The following PGM2L1 variants were observed in gnomAD, a reference collection of about 807,000 sequenced individuals.
The protein encoded by PGM2L1 is phosphoglucomutase 2 like 1, also known as glucose 1,6-bisphosphate synthase.
A neutral mutation model predicts 73.4 loss-of-function variants in PGM2L1; 35 were observed. That is an observed-to-expected ratio of 0.48 (90% CI 0.36 to 0.63). The LOEUF is 0.63. PGM2L1 is among the 30% of genes least tolerant of loss of function. PGM2L1 has a pLI of 0.00. For synonymous variants in PGM2L1, 225 were observed against 253.8 expected (o/e 0.89, Z 1.08); for missense variants, 570 against 742.0 (o/e 0.77, Z 2.69).
At chr11:74,345,013 G>C (rs1452676513) in intron 9 of PGM2L1, among the ~76,000 whole-genome samples, 2 of 152,204 alleles carry the variant, frequency 1.3e-5, no homozygotes, top group African/African-American at 2.4e-5. Flanking sequence ...TCTGGGCTGA[G>C]AGAGAGCCAC....
At position 74,368,576 on chromosome 11, in the gene PGM2L1, C is replaced by T. The variant is rs145210414; in HGVS notation, c.472-1G>A. 1.2e-6 allele frequency: 2 copies of T among 1,612,616 alleles called. No individual in the cohort carries two copies. Among genetic ancestry groups the T allele is most frequent in the African/African-American group, 1.3e-5 (1 of 75,006 alleles). Reference sequence around the variant, plus strand: ...CTTTGAGCTTCTGAACTGCATATGGCTGAAAAATAAATAACACCATAATTC... The same window carrying T: ...CTTTGAGCTTCTGAACTGCATATGGTTGAAAAATAAATAACACCATAATTC... On this transcript the variant is annotated splice_acceptor_variant, in intron 4 of 13. Transcript: ENST00000298198. LOFTEE classifies it high-confidence loss of function.
intron 1 of PGM2L1, among the ~76,000 whole-genome samples, chr11:74,390,647 T>C (rs1863088658): frequency 6.6e-6 from 1 of 152,102 alleles, no homozygotes; most frequent in African/African-American, 2.4e-5. Flanking sequence ...ACCTACAATG[T>C]AAAAAGAACT....
intron 5 of PGM2L1, among the ~76,000 whole-genome samples, chr11:74,367,676 A>G (rs1271214900): frequency 6.6e-6 from 1 of 152,220 alleles, no homozygotes; most frequent in Non-Finnish European, 1.5e-5. Flanking sequence ...CCACAACTCT[A>G]TAACTTAAGT....
At chr11:74,360,469 T>A (rs937401674) in intron 5 of PGM2L1, among the ~76,000 whole-genome samples, 10 of 151,890 alleles carry the variant, frequency 6.6e-5, no homozygotes, top group Non-Finnish European at 1.3e-4. Flanking sequence ...AGTCTACAGC[T>A]CCCAGCAGGA....
At chr11:74,379,700 G>C (rs551597467) in intron 1 of PGM2L1, among the ~76,000 whole-genome samples, 1 of 152,134 alleles carries the variant, frequency 6.6e-6, no homozygotes, top group South Asian at 2.1e-4. Context: ...GAGGTGGATG[G>C]CTCACCTGAG....
intron 2 of PGM2L1, among the ~76,000 whole-genome samples, chr11:74,374,093 CT>C (rs1253583876): frequency 2.1e-5 from 3 of 140,110 alleles, no homozygotes; most frequent in Admixed American, 7.1e-5. Context: ...AAAAAGTACA[CT>C]TTTTTTTTGA....
At position 74,398,188 on chromosome 11, in the gene PGM2L1, G is replaced by C. The variant is rs1440011599; in HGVS notation, c.-27C>G. On this transcript the variant is annotated 5_prime_UTR_variant, in exon 1 of 14. Coordinates refer to ENST00000298198, the MANE Select transcript of PGM2L1 (RefSeq NM_173582.6). ...GCGACCAGACAGGCGTACGGGCCGG[G>C]GGCCGGCGAAGACACTGAGTTGGGG... is the stretch of plus-strand genomic sequence containing the variant. The C allele has an allele frequency of 6.3e-7, 1 of 1,595,138 alleles. No homozygotes were observed. Among genetic ancestry groups the C allele is most frequent in the Non-Finnish European group, 8.5e-7 (1 of 1,169,672 alleles).
rs1324211550 is a variant in PGM2L1 at position 74,333,300 on chromosome 11, TTC to T, written c.*3350_*3351del. ...AAAAAAAGATCCTTATTCCCTCTGG[TTC>T]TGTCTTCACTAGAGATGGAGAACAC... On this transcript the variant is annotated 3_prime_UTR_variant, in exon 14 of 14. Coordinates refer to ENST00000298198, the MANE Select transcript of PGM2L1 (RefSeq NM_173582.6). The T allele has an allele frequency of 6.6e-6, 1 of 152,226 alleles. No individual in the cohort carries two copies. Among genetic ancestry groups the T allele is most frequent in the Non-Finnish European group, 1.5e-5 (1 of 68,032 alleles). 9.4% of individuals were successfully genotyped at this position (152,226 alleles called of 1,614,324 possible). A position where few individuals can be genotyped will look rare whatever the true frequency, so the allele number is the denominator to read the frequency against.
At chr11:74,371,192 T>C (rs1040550391) in intron 3 of PGM2L1, among the ~76,000 whole-genome samples, 11 of 152,196 alleles carry the variant, frequency 7.2e-5, no homozygotes, top group African/African-American at 2.7e-4. Flanking sequence ...GTTTAACAAC[T>C]AACATAATTG....
rs1193001286 is a variant in PGM2L1 at position 74,343,374 on chromosome 11, C to A, written c.1261G>T (p.Asp421Tyr). The change falls in exon 10 of 14, where the codon GAC becomes TAC. Residue 421 changes from aspartate to tyrosine, a missense_variant. Asp to Tyr is a radical substitution (Grantham distance 160). Coordinates refer to ENST00000298198, the MANE Select transcript of PGM2L1 (RefSeq NM_173582.6). ...ACTTCTTTCCCATTTTCCAGGAGGT[C>A]TATTATCCTACTTCCAATCCATTTA... Reference protein sequence around the residue: ...GFKWIGSRIIDLLENGKEVLF... With the variant: ...GFKWIGSRIIYLLENGKEVLF... The A allele has an allele frequency of 1.2e-6, 2 of 1,611,422 alleles. No individual in the cohort carries two copies. The highest frequency in any genetic ancestry group is 2.2e-5 in the South Asian group (2 of 90,524).
intron 5 of PGM2L1, among the ~76,000 whole-genome samples, chr11:74,356,959 G>A (rs983787979): frequency 1.3e-4 from 20 of 152,072 alleles, no homozygotes; most frequent in Admixed American, 1.0e-3. Context: ...TCAGACTCCC[G>A]AGTAGCTAGG....
At chr11:74,375,263 T>G (rs662393) in intron 1 of PGM2L1, among the ~76,000 whole-genome samples, 110,046 of 152,056 alleles carry the variant, frequency 0.72, 40,026 homozygotes, top group East Asian at 0.82. Context: ...TGTGAGGCAG[T>G]GCATGCCAAC....
Position 74,398,350 on chromosome 11 carries a change from C to T in PGM2L1, c.-189G>A. The T allele has an allele frequency of 1.2e-6, 1 of 852,294 alleles. No homozygotes were observed. Among genetic ancestry groups the T allele is most frequent in the Non-Finnish European group, 1.6e-6 (1 of 611,720 alleles). 52.8% of individuals were successfully genotyped at this position (852,294 alleles called of 1,614,324 possible). On this transcript the variant is annotated 5_prime_UTR_variant, in exon 1 of 14. Coordinates refer to ENST00000298198, the MANE Select transcript of PGM2L1 (RefSeq NM_173582.6). ...AACCGGGAGAGAGGGGGTTTATGGC[C>T]GCCTGCTCCCCAGCGGACCAGGTCC...
rs148255662 is a variant in PGM2L1, at chr11:74,345,347, C to T, written c.1218+122G>A. Reference sequence around the variant, plus strand: ...TCAAAAGAGACTGAACAAGTGTTAACAGAATTAGAAAAATAAGGGAATTAC... The same window carrying T: ...TCAAAAGAGACTGAACAAGTGTTAATAGAATTAGAAAAATAAGGGAATTAC... On this transcript the variant is annotated intron_variant, in intron 9 of 13. Transcript: ENST00000298198. The T allele has an allele frequency of 3.4e-4, 334 of 983,264 alleles. 1 individual carries two copies. The East Asian group carries it at 5.7e-3, about 17-fold the overall frequency. The allele number at this position is 983,264 out of a possible 1,614,324, so 60.9% of individuals were successfully genotyped here. A position where few individuals can be genotyped will look rare whatever the true frequency, so the allele number is the denominator to read the frequency against.
At chr11:74,356,109 A>G (rs1020352459) in intron 5 of PGM2L1, among the ~76,000 whole-genome samples, 1 of 151,942 alleles carries the variant, frequency 6.6e-6, no homozygotes, top group African/African-American at 2.4e-5. Flanking sequence ...CATCTTGGTA[A>G]ATTTCCCCAA....
chr11:74,365,069 C>T (rs1314868369), intron 5 of PGM2L1, among the ~76,000 whole-genome samples: 3 of 151,006 alleles, frequency 2.0e-5, no homozygotes, highest in Admixed American at 2.0e-4. Context: ...CACACATCTA[C>T]AACCATCTGA....
At chr11:74,341,716 A>AAG (rs1490306155) in intron 12 of PGM2L1, among the ~76,000 whole-genome samples, 3 of 145,310 alleles carry the variant, frequency 2.1e-5, no homozygotes, top group East Asian at 4.1e-4. Flanking sequence ...AAAAAAAAAA[A>AAG]GGAAAGCAAT....
At chr11:74,365,436 G>A (rs987695151) in intron 5 of PGM2L1, among the ~76,000 whole-genome samples, 5 of 152,034 alleles carry the variant, frequency 3.3e-5, no homozygotes, top group Non-Finnish European at 7.4e-5. Flanking sequence ...GCAACCTACA[G>A]AATGGGAGAA....
At chr11:74,340,315 A>G (rs370130665) in intron 12 of PGM2L1, among the ~76,000 whole-genome samples, 7 of 152,236 alleles carry the variant, frequency 4.6e-5, no homozygotes, top group Admixed American at 3.9e-4. Flanking sequence ...GGAGAAAAGC[A>G]TTATACCATA....
Sources: allele counts gnomAD v4.1 joint callset (sites outside exome capture counted in the v4.1 genomes callset), GRCh38; gene constraint gnomAD v4.1.1; transcripts MANE v1.5; gene names NCBI Gene and HGNC (gene_info 2026-07-23, HGNC 2026-07-21).